SDK1: variants seen among roughly 807,000 people sequenced by gnomAD.
SDK1 encodes protein sidekick-1.
SDK1 carries 157 observed loss-of-function variants against 245.5 expected under a neutral mutation model. That is an observed-to-expected ratio of 0.64 (90% confidence interval 0.56 to 0.73). SDK1 has a LOEUF of 0.73. Ranked by LOEUF, SDK1 falls within the 30% of genes least tolerant of loss-of-function variation. The pLI is 0.00. For missense variants in SDK1, 3,583 were observed against 3,002.3 expected (o/e 1.19, Z -4.52); for synonymous variants, 1,647 against 1,278.5 (o/e 1.29, Z -6.15).
chr7:3,838,944 C>T, intron 5 of SDK1, among the ~76,000 whole-genome samples: 1 of 152,306 alleles, frequency 6.6e-6, no homozygotes, highest in South Asian at 2.1e-4. Context: ...TGCTCGGGCC[C>T]TGAAGGCATT....
chr7:3,305,640 T>C (rs1394260835), intron 1 of SDK1, among the ~76,000 whole-genome samples: 1 of 152,228 alleles, frequency 6.6e-6, no homozygotes, highest in Non-Finnish European at 1.5e-5. Context: ...AGTTCTAGAC[T>C]CCCTTACTTG....
intron 8 of SDK1, among the ~76,000 whole-genome samples, chr7:3,961,331 A>G (rs376188988): frequency 6.6e-6 from 1 of 152,218 alleles, no homozygotes; most frequent in East Asian, 1.9e-4. Flanking sequence ...AGGAAACATA[A>G]TTAAGGCAAA....
intron 5 of SDK1, among the ~76,000 whole-genome samples, chr7:3,945,876 G>A (rs1020636954): frequency 9.7e-6 from 1 of 103,412 alleles, no homozygotes; most frequent in Non-Finnish European, 1.8e-5. Flanking sequence ...TCCAGCCTGG[G>A]CAACAGAGCA....
chr7:3,628,599 C>T lies in SDK1; in HGVS notation c.458+9360C>T, dbSNP rs1010820410. Among the ~76,000 whole-genome samples the T allele has an allele frequency of 2.6e-5, 4 of 152,094 alleles. No homozygotes were observed. In the East Asian group the frequency reaches 5.8e-4, roughly 22 times the overall value. On this transcript the variant is annotated intron_variant, in intron 2 of 44. Coordinates refer to ENST00000404826, the MANE Select transcript of SDK1 (RefSeq NM_152744.4). ...ACATTCTATATGCTGGGATACGTGG[C>T]TTATGTGAAAGGGCAGCTTCTAGAA...
intron 41 of SDK1, among the ~76,000 whole-genome samples, chr7:4,235,723 G>A (rs1286439839): frequency 6.6e-6 from 1 of 152,180 alleles, no homozygotes; most frequent in Non-Finnish European, 1.5e-5. Context: ...AGGGCCTGTG[G>A]TTCAGGCCTC....
chr7:3,969,074 C>A (rs909677468), intron 10 of SDK1, among the ~76,000 whole-genome samples, 183 bp from the exon 11 acceptor site: 3 of 152,176 alleles, frequency 2.0e-5, no homozygotes, highest in Non-Finnish European at 4.4e-5. Context: ...ACGGGGGAAC[C>A]ACCCTCAGGA....
At chr7:3,461,875 T>C (rs1308412430) in intron 1 of SDK1, among the ~76,000 whole-genome samples, 1 of 152,192 alleles carries the variant, frequency 6.6e-6, no homozygotes, top group Non-Finnish European at 1.5e-5. Flanking sequence ...AGGGAACATG[T>C]ACTATCAATT....
chr7:3,728,311 C>A (rs775191473), intron 4 of SDK1, among the ~76,000 whole-genome samples: 1 of 152,228 alleles, frequency 6.6e-6, no homozygotes, highest in Non-Finnish European at 1.5e-5. Flanking sequence ...AGGGTTCACT[C>A]CTTCTGGGTA....
chr7:4,180,805 T>C (rs1429896635), intron 35 of SDK1, among the ~76,000 whole-genome samples: 23 of 152,070 alleles, frequency 1.5e-4, no homozygotes, highest in Admixed American at 1.5e-3. Context: ...GCCACACATT[T>C]AATGACCAGA....
chr7:4,226,718 C>T (rs1785470371), intron 40 of SDK1, among the ~76,000 whole-genome samples: 5 of 152,184 alleles, frequency 3.3e-5, no homozygotes, highest in South Asian at 2.1e-4. Context: ...TGCAAAACTC[C>T]CTGGAAGGCA....
At chr7:3,442,564 C>A (rs1780225160) in intron 1 of SDK1, among the ~76,000 whole-genome samples, 1 of 152,152 alleles carries the variant, frequency 6.6e-6, no homozygotes, top group South Asian at 2.1e-4. Flanking sequence ...TGAAGTCAAC[C>A]TGCCTGAGTT....
chr7:3,823,863 A>T (rs1779705014), intron 5 of SDK1, among the ~76,000 whole-genome samples: 1 of 152,200 alleles, frequency 6.6e-6, no homozygotes, highest in Non-Finnish European at 1.5e-5. Context: ...AAACTGCCTT[A>T]TTTTAATTCT....
chr7:4,012,313 A>C, intron 16 of SDK1, 78 bp downstream of exon 16: 4 of 1,391,532 alleles, frequency 2.9e-6, no homozygotes, highest in Non-Finnish European at 3.8e-6. Context: ...GCAAACTCTA[A>C]TGTCTGTAAG....
At chr7:3,690,711 C>T (rs1402004538) in intron 4 of SDK1, among the ~76,000 whole-genome samples, 5 of 152,056 alleles carry the variant, frequency 3.3e-5, no homozygotes, top group East Asian at 3.8e-4. Flanking sequence ...TCTTAACCCC[C>T]GTAACATTAT....
At chr7:3,994,327 G>A (rs1365451617) in intron 14 of SDK1, among the ~76,000 whole-genome samples, 1 of 152,136 alleles carries the variant, frequency 6.6e-6, no homozygotes, top group Non-Finnish European at 1.5e-5. Flanking sequence ...TGACCCCAAA[G>A]TTGTTCCTCT....
intron 28 of SDK1, among the ~76,000 whole-genome samples, chr7:4,145,033 G>A (rs145948206): frequency 9.4e-4 from 143 of 152,272 alleles, no homozygotes; most frequent in Non-Finnish European, 1.6e-3. Context: ...AGGAGTGATC[G>A]TTAATAAGGA....
chr7:3,587,111 G>C (rs1305395856), intron 1 of SDK1, among the ~76,000 whole-genome samples: 5 of 152,136 alleles, frequency 3.3e-5, no homozygotes, highest in African/African-American at 9.7e-5. Context: ...TTTGTTGAAA[G>C]GGTCCAGAAA....
rs183515282 is a variant in SDK1, at chr7:3,799,775, C to G, written c.714-21675C>G. Reference sequence around the variant, plus strand: ...TACTGGGCTCGTGACTTCTCTCTACCCTTGCCTGAGTTTACTTGCTCCTCC... The same window carrying G: ...TACTGGGCTCGTGACTTCTCTCTACGCTTGCCTGAGTTTACTTGCTCCTCC... On this transcript the variant is annotated intron_variant, in intron 4 of 44. Transcript: ENST00000404826. Among the ~76,000 whole-genome samples, 257 of 151,748 alleles carry G rather than the reference C, an allele frequency of 1.7e-3. 1 individual carries two copies. Among genetic ancestry groups the G allele is most frequent in the African/African-American group, 6.1e-3 (252 of 41,348 alleles).
At chr7:3,895,995 C>T (rs936200162) in intron 5 of SDK1, among the ~76,000 whole-genome samples, 4 of 151,958 alleles carry the variant, frequency 2.6e-5, no homozygotes, top group Admixed American at 2.6e-4. Flanking sequence ...TGTTTTATGG[C>T]CCAGAATATC....
Sources: gnomAD v4.1 joint callset for allele counts (sites outside exome capture counted in the v4.1 genomes callset) on GRCh38, gnomAD v4.1.1 for gene constraint, MANE v1.5 for transcripts, NCBI Gene and HGNC (gene_info 2026-07-23, HGNC 2026-07-21) for gene names.